The following AEN variants were observed in gnomAD, a reference collection of about 807,000 sequenced individuals.
AEN encodes apoptosis enhancing nuclease.
Under a neutral mutation model 17.7 loss-of-function variants are expected in AEN, and 21 were observed. That is an observed-to-expected ratio of 1.19 (90% CI 0.84 to 1.71). The LOEUF is 1.71. AEN is among the 40% of genes most tolerant of loss of function. The pLI is 0.00. For missense variants in AEN, 462 were observed against 435.9 expected, an observed-to-expected ratio of 1.06 and a Z score of -0.53; for synonymous variants, 190 against 173.0, an observed-to-expected ratio of 1.10 and a Z score of -0.77.
At chr15:88,609,787 T>C in the AEN span, among the ~76,000 whole-genome samples, 3 of 152,240 alleles carry the variant, frequency 2.0e-5, no homozygotes, top group African/African-American at 7.2e-5. Flanking sequence ...TTCATCTTCA[T>C]TGGATCTGTA....
rs148413471 is a variant in AEN at position 88,624,117 on chromosome 15, C to T, written c.-64-2029C>T. Among the ~76,000 whole-genome samples, 186 of 152,362 alleles carry T rather than the reference C, an allele frequency of 1.2e-3. 3 individuals carry two copies. The South Asian group carries it at 0.035, about 29-fold the overall frequency. On this transcript the variant is annotated intron_variant, in intron 1 of 3. Transcript: ENST00000332810. Reference sequence around the variant, plus strand: ...CACCTCTGCTTCAGCCCTTAACACACTTTATGCTTGGTTTCTGTCTCCACC... The same window carrying T: ...CACCTCTGCTTCAGCCCTTAACACATTTTATGCTTGGTTTCTGTCTCCACC...
At chr15:88,607,033 TAGAG>T in the AEN span, among the ~76,000 whole-genome samples, 1 of 152,180 alleles carries the variant, frequency 6.6e-6, no homozygotes, top group Non-Finnish European at 1.5e-5. Flanking sequence ...GTGTCTACTG[TAGAG>T]AGAAACTTTC....
In AEN at chr15:88,626,564, G is replaced by T; in HGVS notation, c.355G>T (p.Gly119Cys). The stretch of plus-strand genomic sequence containing the variant: ...TGTGGCTATCGACTGTGAGATGGTG[G>T]GCACGGGACCCCGAGGGCGGGTAAG... The part of the protein sequence containing the change: ...KCVAIDCEMV[G>C]TGPRGRVSEL... The change falls in exon 2 of 4, where the codon GGC (glycine) becomes TGC (cysteine). Residue 119 changes from glycine to cysteine, a missense_variant. Gly to Cys is a radical substitution (Grantham distance 159). Coordinates refer to ENST00000332810, the MANE Select transcript of AEN (RefSeq NM_022767.4). 1 of 1,614,150 alleles carries T rather than the reference G, an allele frequency of 6.2e-7. No individual in the cohort carries two copies. The highest frequency in any genetic ancestry group is 8.5e-7 in the Non-Finnish European group (1 of 1,180,048).
Position 88,630,503 on chromosome 15 carries a change from T to A in AEN, c.*209T>A. On this transcript the variant is annotated 3_prime_UTR_variant, in exon 4 of 4. Transcript: ENST00000332810. This position sits in a 1 kb window ranked among gnomAD's most constrained non-coding sequence, Gnocchi z 5.1. ...CTCCAGGGCTGTTGGTTCTTTCTTC[T>A]GACTCCTGTGGTTTTGCTAATGGCA... The A allele has an allele frequency of 1.7e-6, 1 of 572,422 alleles. No individual in the cohort carries two copies. The allele number at this position is 572,422 out of a possible 1,614,324, so 35.5% of individuals were successfully genotyped here.
Position 88,626,433 on chromosome 15 carries a change from A to T in AEN, c.224A>T (p.Glu75Val), listed in dbSNP as rs772435599. ...CCTTTCGGGGCAGCGACAGCAACTG[A>T]AGCTGCCAGCAGTGGGAAGCAGTGT... ...PTPFGAATAT[E>V]AASSGKQCLR... Residue 75 changes from glutamate to valine, a missense_variant, in exon 2 of 4, where the codon GAA becomes GTA. Physicochemically the swap from Glu to Val is moderately radical, Grantham distance 121. Transcript: ENST00000332810. The T allele has an allele frequency of 1.4e-5, 23 of 1,613,450 alleles. No individual in the cohort carries two copies. The highest frequency in any genetic ancestry group is 1.9e-5 in the Non-Finnish European group (23 of 1,179,898).
At chr15:88,623,290 G>A (rs1470615713) in intron 1 of AEN, among the ~76,000 whole-genome samples, 1 of 152,190 alleles carries the variant, frequency 6.6e-6, no homozygotes, top group Admixed American at 6.5e-5. Flanking sequence ...GGATGAGTCA[G>A]GATGGGTCAG....
In AEN at chr15:88,626,313, G is replaced by C. The variant is rs139013526; in HGVS notation, c.104G>C (p.Arg35Pro). 1 of 1,613,626 alleles carries C rather than the reference G, an allele frequency of 6.2e-7. No homozygotes were observed. The highest frequency in any genetic ancestry group is 8.5e-7 in the Non-Finnish European group (1 of 1,179,946). The change falls in exon 2 of 4, where the codon CGA becomes CCA. Residue 35 changes from arginine to proline, a missense_variant. Physicochemically the swap from Arg to Pro is moderately radical, Grantham distance 103. Coordinates refer to ENST00000332810, the MANE Select transcript of AEN (RefSeq NM_022767.4). The stretch of plus-strand genomic sequence containing the variant: ...CGGAAGAGGCACAAGAGAAGGAGCC[G>C]ACAGCACCAGCGGTTCATGGCCCGG... ...VLRKRHKRRSRQHQRFMARKA... is the reference protein window; with the variant it reads ...VLRKRHKRRSPQHQRFMARKA...
the AEN span, among the ~76,000 whole-genome samples, chr15:88,615,405 T>G: frequency 5.3e-5 from 8 of 152,106 alleles, no homozygotes; most frequent in African/African-American, 1.9e-4. Context: ...GTACCTTAAT[T>G]GTCTTGGTGC....
At chr15:88,629,636 G>A (rs974827872) in intron 3 of AEN, among the ~76,000 whole-genome samples, 4 of 152,108 alleles carry the variant, frequency 2.6e-5, no homozygotes, top group Non-Finnish European at 4.4e-5. Flanking sequence ...AGTGTGTACT[G>A]CGATTCTCCC....
the AEN span, among the ~76,000 whole-genome samples, chr15:88,616,069 C>T: frequency 6.6e-6 from 1 of 151,258 alleles, no homozygotes; most frequent in Admixed American, 6.6e-5. Context: ...ATAAAGGAGC[C>T]CTCGTCTTTG....
chr15:88,626,300 A>G lies in AEN; in HGVS notation c.91A>G (p.Lys31Glu). Reference sequence around the variant, plus strand: ...CAAGGATGTGCTTCGGAAGAGGCACAAGAGAAGGAGCCGACAGCACCAGCG... The same window carrying G: ...CAAGGATGTGCTTCGGAAGAGGCACGAGAGAAGGAGCCGACAGCACCAGCG... ...NAKDVLRKRHKRRSRQHQRFM... is the reference protein window; with the variant it reads ...NAKDVLRKRHERRSRQHQRFM... The change falls in exon 2 of 4, where the codon AAG (lysine) becomes GAG (glutamate). Residue 31 changes from lysine to glutamate, a missense_variant. By Grantham distance (56) the Lys-to-Glu change is moderately conservative (BLOSUM62 1). Coordinates refer to ENST00000332810, the MANE Select transcript of AEN (RefSeq NM_022767.4). 2 of 1,613,714 alleles carry G rather than the reference A, an allele frequency of 1.2e-6. No homozygotes were observed. Among genetic ancestry groups the G allele is most frequent in the Non-Finnish European group, 1.7e-6 (2 of 1,179,986 alleles).
intron 1 of AEN, among the ~76,000 whole-genome samples, chr15:88,625,866 C>G (rs935913787): frequency 2.0e-5 from 3 of 152,206 alleles, no homozygotes; most frequent in Non-Finnish European, 4.4e-5. Flanking sequence ...ACCTCTGTGC[C>G]TCAGTTTCTT....
intron 1 of AEN, among the ~76,000 whole-genome samples, chr15:88,622,234 C>T (rs112914505): frequency 0.011 from 1,609 of 152,286 alleles, 36 homozygotes; most frequent in African/African-American, 0.037. Flanking sequence ...TGTCTGACCC[C>T]CAGAGCGCTG....
rs1435161897 is a variant in AEN, at chr15:88,630,094, A to G, written c.778A>G (p.Thr260Ala). ...CGGGCACTCATCAGTAGAAGATGCCACGACAGCCATGGAGCTCTACCGGCT... is the reference window on the plus strand; with the variant it reads ...CGGGCACTCATCAGTAGAAGATGCCGCGACAGCCATGGAGCTCTACCGGCT... ...QHGHSSVEDA[T>A]TAMELYRLVE... is the part of the protein sequence containing the mutation. The change falls in exon 4 of 4, where the codon ACG becomes GCG. Residue 260 changes from threonine (T) to alanine (A), a missense_variant. By Grantham distance (58) the Thr-to-Ala change is moderately conservative. Transcript: ENST00000332810. The surrounding 1 kb of genome is among the most constrained non-coding windows in gnomAD (Gnocchi z 5.1). 6.2e-7 allele frequency: 1 copy of G among 1,614,090 alleles called. No homozygotes were observed. The highest frequency in any genetic ancestry group is 1.1e-5 in the South Asian group (1 of 91,082).
At chr15:88,614,170 A>T in the AEN span, among the ~76,000 whole-genome samples, 1 of 152,320 alleles carries the variant, frequency 6.6e-6, no homozygotes, top group Admixed American at 6.5e-5. Context: ...TTGGTCACTC[A>T]GCAAAATAGA....
At chr15:88,627,010 A>G (rs2141372802) in intron 2 of AEN, 1 of 457,146 alleles carries the variant, frequency 2.2e-6, no homozygotes, top group Non-Finnish European at 3.9e-6. Context: ...AATAGCTTAC[A>G]TTTTAGAGTT....
upstream of AEN, among the ~76,000 whole-genome samples, chr15:88,619,069 A>C (rs1021789901): frequency 6.6e-6 from 1 of 152,184 alleles, no homozygotes; most frequent in African/African-American, 2.4e-5. Flanking sequence ...AAATGTTTTT[A>C]ATGACCTAAC....
upstream of AEN, among the ~76,000 whole-genome samples, chr15:88,620,708 C>A (rs775280030): frequency 2.6e-5 from 4 of 152,090 alleles, no homozygotes; most frequent in African/African-American, 9.7e-5. Flanking sequence ...GCGCCCCGGC[C>A]TCATGTTGCA....
At chr15:88,615,055 A>C in the AEN span, among the ~76,000 whole-genome samples, 1 of 150,856 alleles carries the variant, frequency 6.6e-6, no homozygotes, top group South Asian at 2.1e-4. Flanking sequence ...TTAGTAGAGA[A>C]AGGGTTTCAC....
Sources: gnomAD v4.1 joint callset for allele counts (sites outside exome capture counted in the v4.1 genomes callset) on GRCh38, gnomAD v4.1.1 for gene constraint, Gnocchi (gnomAD v3.1) non-coding constraint, MANE v1.5 for transcripts, NCBI Gene and HGNC (gene_info 2026-07-23, HGNC 2026-07-21) for gene names.